The following LILRA2 variants were observed in gnomAD, a reference collection of about 807,000 sequenced individuals.
LILRA2 encodes the protein leukocyte immunoglobulin like receptor A2.
Under a neutral mutation model 47.9 loss-of-function variants are expected in LILRA2, and 45 were observed. That is an observed-to-expected ratio of 0.94 (90% CI 0.74 to 1.20). The LOEUF (loss-of-function observed/expected upper bound fraction) is 1.20, where lower values mean the gene tolerates loss of function less well. Among genes scored for constraint, LILRA2 ranks in the 50% most tolerant of loss-of-function variants. The pLI is 0.00. For missense variants in LILRA2, 651 were observed against 598.2 expected (o/e 1.09, Z -0.92); for synonymous variants, 279 against 249.2 (o/e 1.12, Z -1.13).
intron 6 of LILRA2, among the ~76,000 whole-genome samples, chr19:54,578,633 T>C (rs970041399): frequency 1.3e-5 from 2 of 152,248 alleles, no homozygotes; most frequent in African/African-American, 4.8e-5. Context: ...TTTGGGTATA[T>C]GCCCAGTAAT....
In LILRA2 at chr19:54,574,458, T is replaced by C. The variant is rs61739166; in HGVS notation, c.228T>C (p.Pro76=). The change falls in exon 3 of 8, where the codon CCT becomes CCC. Residue 76 remains proline (P), a synonymous_variant. Transcript: ENST00000391738. ...SASWVRRIQE[P]GKNGQFPIPS... ...CCTGGGTTAGACGGATACAAGAGCC[T>C]GGGAAGAATGGCCAGTTCCCCATCC... 3 of 1,613,914 alleles carry C rather than the reference T, an allele frequency of 1.9e-6. No homozygotes were observed. Among genetic ancestry groups the C allele is most frequent in the African/African-American group, 1.3e-5 (1 of 74,854 alleles).
rs578056886 is a variant in LILRA2 at position 54,574,406 on chromosome 19, A to G, written c.176A>G (p.His59Arg). 51 of 1,614,128 alleles carry G rather than the reference A, an allele frequency of 3.2e-5. No homozygotes were observed. In the East Asian group the frequency reaches 9.1e-4, roughly 29 times the overall value. Residue 59 changes from histidine to arginine, a missense_variant, in exon 3 of 8, where the codon CAT becomes CGT. His to Arg is a conservative substitution (Grantham distance 29). Coordinates refer to ENST00000391738, the MANE Select transcript of LILRA2 (RefSeq NM_001130917.3). ...GGGAGCCTTCAGGCTGAGGAGTACC[A>G]TCTATATAGGGAAAACAAATCAGCA... Reference protein sequence around the residue: ...CQGSLQAEEYHLYRENKSASW... With the variant: ...CQGSLQAEEYRLYRENKSASW...
At chr19:54,579,325 G>T (rs541926211) in intron 6 of LILRA2, among the ~76,000 whole-genome samples, 2 of 152,250 alleles carry the variant, frequency 1.3e-5, no homozygotes, top group African/African-American at 2.4e-5. Context: ...CTTTCTACAT[G>T]TGGCTAGCCA....
At chr19:54,582,521 G>A (rs1469199164) in intron 6 of LILRA2, among the ~76,000 whole-genome samples, 1 of 152,134 alleles carries the variant, frequency 6.6e-6, no homozygotes, top group Non-Finnish European at 1.5e-5. Context: ...TATGTGTCCA[G>A]GAATTTATCC....
chr19:54,575,783 C>T (rs1282955685), intron 5 of LILRA2, 24 bp from the exon 6 acceptor site: 2 of 1,612,338 alleles, frequency 1.2e-6, no homozygotes, highest in Non-Finnish European at 1.7e-6. Context: ...GGGGCAGCCC[C>T]TCACCCATCC....
rs770910308 is a variant in LILRA2 at position 54,575,338 on chromosome 19, T to C, written c.738T>C (p.Ser246=). Residue 246 remains serine, a synonymous_variant, in exon 5 of 8, where the codon TCT becomes TCC. Coordinates refer to ENST00000391738, the MANE Select transcript of LILRA2 (RefSeq NM_001130917.3). The stretch of plus-strand genomic sequence containing the variant: ...AGAGCCTGACCCTCCAGTGTGTCTC[T>C]GATGTCGGCTACGACAGATTTGTTC... ...PGESLTLQCV[S]DVGYDRFVLY... The C allele has an allele frequency of 9.9e-6, 16 of 1,614,108 alleles. No homozygotes were observed. Among genetic ancestry groups the C allele is most frequent in the Non-Finnish European group, 1.4e-5 (16 of 1,179,970 alleles).
rs894837945 is a variant in LILRA2, at chr19:54,573,793, C to T, written c.-86C>T. ...CCCATGACAAGAAGGATCCAGCCTC[C>T]GAGTGTCCACACCCTGTGCGTCTCT... On this transcript the variant is annotated 5_prime_UTR_variant, in exon 1 of 8. Transcript: ENST00000391738. 1.3e-5 allele frequency: 21 copies of T among 1,607,736 alleles called. No homozygotes were observed. Among genetic ancestry groups the T allele is most frequent in the East Asian group, 4.5e-5 (2 of 44,838 alleles).
At chr19:54,575,156 C>A in intron 4 of LILRA2, 100 bp from the exon 5 acceptor site, 1 of 1,549,438 alleles carries the variant, frequency 6.5e-7, no homozygotes, top group Non-Finnish European at 8.7e-7. Flanking sequence ...GGGCTCAGGG[C>A]TCCTGGGGCC....
chr19:54,585,341 CT>C (rs1452116908), intron 6 of LILRA2, among the ~76,000 whole-genome samples: 1 of 152,224 alleles, frequency 6.6e-6, no homozygotes, highest in Non-Finnish European at 1.5e-5. Context: ...ACGTTTAAGT[CT>C]GCAGAAGCTA....
chr19:54,573,304 C>G (rs1307699361), upstream of LILRA2: 1 of 602,912 alleles, frequency 1.7e-6, no homozygotes, highest in East Asian at 3.5e-5. Flanking sequence ...CCTCTGTGCT[C>G]ACTGCCACAC....
At chr19:54,582,725 A>AGCTC (rs2062680418) in intron 6 of LILRA2, among the ~76,000 whole-genome samples, 1 of 152,162 alleles carries the variant, frequency 6.6e-6, no homozygotes, top group African/African-American at 2.4e-5. Context: ...TCAAAAAACC[A>AGCTC]GCTCCAGGAT....
Position 54,576,056 on chromosome 19 carries a change from C to A in LILRA2, c.1202C>A (p.Ser401Tyr), listed in dbSNP as rs267605669. 6.2e-7 allele frequency: 1 copy of A among 1,614,062 alleles called. No homozygotes were observed. The highest frequency in any genetic ancestry group is 1.3e-5 in the African/African-American group (1 of 75,026). Residue 401 changes from serine to tyrosine, a missense_variant, in exon 6 of 8, where the codon TCC becomes TAC. Physicochemically the swap from Ser to Tyr is moderately radical, Grantham distance 144. Transcript: ENST00000391738. ...TACAGATGCTACAGCTCACTCAGCT[C>A]CAACCCCTACCTGCTGTCTCTCCCC... ...GTYRCYSSLS[S>Y]NPYLLSLPSD...
In LILRA2 at chr19:54,574,959, G is replaced by C. The variant is rs774883182; in HGVS notation, c.581G>C (p.Arg194Thr). The C allele has an allele frequency of 6.2e-7, 1 of 1,614,284 alleles. No homozygotes were observed. Among genetic ancestry groups the C allele is most frequent in the Non-Finnish European group, 8.5e-7 (1 of 1,180,046 alleles). ...AGCCCGAGTCGCAGGTGGTCGTACA[G>C]GTGCTATGCTTATGACTCGAACTCT... ...PVSPSRRWSY[R>T]CYAYDSNSPY... Residue 194 changes from arginine (R) to threonine (T), a missense_variant, in exon 4 of 8, where the codon AGG (arginine) becomes ACG (threonine). Transcript: ENST00000391738.
At chr19:54,582,390 G>A (rs1274665284) in intron 6 of LILRA2, among the ~76,000 whole-genome samples, 2 of 152,200 alleles carry the variant, frequency 1.3e-5, no homozygotes, top group South Asian at 2.1e-4. Flanking sequence ...ATTCGGCTGC[G>A]AATCCTTCTG....
At chr19:54,574,663 C>G in intron 3 of LILRA2, 68 bp from the exon 4 acceptor site, 1 of 1,599,832 alleles carries the variant, frequency 6.3e-7, no homozygotes, top group Non-Finnish European at 8.5e-7. Flanking sequence ...TCCGCTCTCA[C>G]AGCTCAACCC....
At chr19:54,574,149 C>T (rs201457814) in intron 2 of LILRA2, 38 bp downstream of exon 2, 9 of 1,614,276 alleles carry the variant, frequency 5.6e-6, no homozygotes, top group Admixed American at 1.7e-5. Flanking sequence ...CCCTCCTCCT[C>T]ACTAGGGACA....
Position 54,573,895 on chromosome 19 carries a change from C to G in LILRA2, c.17C>G (p.Thr6Arg), listed in dbSNP as rs145704089. 6.2e-7 allele frequency: 1 copy of G among 1,614,214 alleles called. No homozygotes were observed. Among genetic ancestry groups the G allele is most frequent in the Non-Finnish European group, 8.5e-7 (1 of 1,180,036 alleles). The change falls in exon 1 of 8, where the codon ACG becomes AGG. Residue 6 changes from threonine (T) to arginine (R), a missense_variant. By Grantham distance (71) the Thr-to-Arg change is moderately conservative. Coordinates refer to ENST00000391738, the MANE Select transcript of LILRA2 (RefSeq NM_001130917.3). Reference protein sequence around the residue: MTPILTVLICLGLSLG... With the variant: MTPILRVLICLGLSLG... ...GGAGACGCCATGACCCCCATCCTCA[C>G]GGTCCTGATCTGTCTCGGTGAGATT...
At position 54,587,406 on chromosome 19, in the gene LILRA2, T is replaced by A; in HGVS notation, c.*60T>A. On this transcript the variant is annotated 3_prime_UTR_variant, in exon 8 of 8. Coordinates refer to ENST00000391738, the MANE Select transcript of LILRA2 (RefSeq NM_001130917.3). ...GGAGCCTCAGGGACAGATCTGATGA[T>A]CCCAGGAGGCTCTGGAGGACAATCT... The A allele has an allele frequency of 6.2e-7, 1 of 1,609,626 alleles. No homozygotes were observed. The highest frequency in any genetic ancestry group is 8.5e-7 in the Non-Finnish European group (1 of 1,177,368).
chr19:54,577,300 G>C (rs190261990), intron 6 of LILRA2, among the ~76,000 whole-genome samples: 1 of 152,108 alleles, frequency 6.6e-6, no homozygotes, highest in Non-Finnish European at 1.5e-5. Context: ...CAGGATGTGT[G>C]ATGAGTAGAG....
Sources: gnomAD v4.1 joint callset for allele counts (sites outside exome capture counted in the v4.1 genomes callset) on GRCh38, gnomAD v4.1.1 for gene constraint, MANE v1.5 for transcripts, NCBI Gene and HGNC (gene_info 2026-07-23, HGNC 2026-07-21) for gene names.